The following TDP1 variants were observed in gnomAD, a reference collection of about 807,000 sequenced individuals.
The protein encoded by TDP1 is tyr-DNA phosphodiesterase 1.
A neutral mutation model predicts 81.5 loss-of-function variants in TDP1; 64 were observed. That is an observed-to-expected ratio of 0.79 (90% confidence interval 0.64 to 0.97). The LOEUF (loss-of-function observed/expected upper bound fraction) is 0.97. TDP1 is among the 50% of genes least tolerant of loss of function. The probability of loss-of-function intolerance (pLI) is 0.00; values close to 1 mark genes in which losing one functional copy is unlikely to be tolerated. For synonymous variants in TDP1, 256 were observed against 264.3 expected, an observed-to-expected ratio of 0.97 and a Z score of 0.30; for missense variants, 723 against 743.8, an observed-to-expected ratio of 0.97 and a Z score of 0.33.
chr14:89,955,671 A>G (rs1392087264), upstream of TDP1: 1 of 152,344 alleles, frequency 6.6e-6, no homozygotes, highest in Non-Finnish European at 1.5e-5. Flanking sequence ...AGAATCCTGT[A>G]AAGAGGGTGA....
chr14:89,981,099 C>G (rs1011114092), intron 8 of TDP1, among the ~76,000 whole-genome samples: 2 of 152,200 alleles, frequency 1.3e-5, no homozygotes, highest in African/African-American at 4.8e-5. Flanking sequence ...TTTTTGCTTA[C>G]CACTTCCCAA....
At chr14:89,978,263 A>G (rs1418667817) in intron 7 of TDP1, among the ~76,000 whole-genome samples, 1 of 152,186 alleles carries the variant, frequency 6.6e-6, no homozygotes, top group Non-Finnish European at 1.5e-5. Flanking sequence ...TGATCCCAAC[A>G]AGCTCTTCCG....
chr14:89,971,043 C>T lies in TDP1; in HGVS notation c.660-132C>T, dbSNP rs189641950. The T allele has an allele frequency of 2.1e-4, 149 of 720,954 alleles. 1 individual carries two copies. The highest frequency in any genetic ancestry group is 6.1e-4 in the Admixed American group (30 of 48,908). 44.7% of individuals were successfully genotyped at this position (720,954 alleles called of 1,614,324 possible). The stretch of plus-strand genomic sequence containing the variant: ...TAGAGACGGGGTTTCACCATGTTGG[C>T]CAGTCTGGTCTCGAACTCCTGACCT... On this transcript the variant is annotated intron_variant, in intron 5 of 16. Transcript: ENST00000335725.
chr14:90,014,168 A>G lies in TDP1; in HGVS notation c.1542-5148A>G, dbSNP rs59588828. On this transcript the variant is annotated intron_variant, in intron 14 of 16. Coordinates refer to ENST00000335725, the MANE Select transcript of TDP1 (RefSeq NM_018319.4). ...TCTAAGAAAAGAATACTTCTATACA[A>G]TGTTGCTAATAATCTAAATAGGATA... Among the ~76,000 whole-genome samples the G allele has an allele frequency of 1.4e-3, 210 of 152,350 alleles. 2 individuals carry two copies. The highest frequency in any genetic ancestry group is 4.8e-3 in the African/African-American group (199 of 41,572).
intron 14 of TDP1, among the ~76,000 whole-genome samples, chr14:90,003,095 G>A (rs1897321692): frequency 6.6e-6 from 1 of 152,008 alleles, no homozygotes; most frequent in African/African-American, 2.4e-5. Flanking sequence ...ATGCCACCAT[G>A]CCCAGCTAAT....
intron 12 of TDP1, 116 bp from the exon 13 acceptor site, chr14:89,991,801 A>G: frequency 1.6e-6 from 2 of 1,223,116 alleles, no homozygotes; most frequent in South Asian, 1.5e-5. Flanking sequence ...AAGATGAAGT[A>G]ATAGAAGTAG....
chr14:89,995,780 A>G (rs983028909), intron 14 of TDP1, among the ~76,000 whole-genome samples: 5 of 152,176 alleles, frequency 3.3e-5, no homozygotes, highest in Admixed American at 3.3e-4. Flanking sequence ...CCCTTGTGGC[A>G]CCTGTCTCTT....
At chr14:89,993,285 A>T in intron 13 of TDP1, 91 bp from the exon 14 acceptor site, 1 of 1,290,406 alleles carries the variant, frequency 7.7e-7, no homozygotes. Context: ...TTTTTAGATA[A>T]TAGGCTCTTT....
At chr14:89,995,091 A>G (rs1258345577) in intron 14 of TDP1, among the ~76,000 whole-genome samples, 1 of 152,234 alleles carries the variant, frequency 6.6e-6, no homozygotes, top group Non-Finnish European at 1.5e-5. Flanking sequence ...TTTGAAGTTT[A>G]TTGTAAGAAT....
intron 14 of TDP1, among the ~76,000 whole-genome samples, chr14:90,004,766 C>T (rs1390780818): frequency 6.6e-6 from 1 of 152,140 alleles, no homozygotes; most frequent in Non-Finnish European, 1.5e-5. Context: ...GGAGAGTCAG[C>T]AGGATGGTGA....
At chr14:90,040,875 A>G (rs1209211222) in intron 16 of TDP1, among the ~76,000 whole-genome samples, 4 of 152,352 alleles carry the variant, frequency 2.6e-5, no homozygotes, top group Non-Finnish European at 2.9e-5. Context: ...CTACTCATTT[A>G]AACAGCAGAG....
At chr14:89,996,241 G>T (rs78170269) in intron 14 of TDP1, among the ~76,000 whole-genome samples, 17 of 152,062 alleles carry the variant, frequency 1.1e-4, no homozygotes, top group Non-Finnish European at 1.9e-4. Flanking sequence ...AATTCCCCAC[G>T]TCCTGTAGGC....
At chr14:89,999,642 G>C (rs966357478) in intron 14 of TDP1, among the ~76,000 whole-genome samples, 7 of 152,130 alleles carry the variant, frequency 4.6e-5, no homozygotes, top group Non-Finnish European at 7.3e-5. Context: ...GAGAATTATA[G>C]GCAATATGAA....
At chr14:89,971,126 G>A (rs749673601) in intron 5 of TDP1, 49 bp from the exon 6 acceptor site, 3 of 1,531,732 alleles carry the variant, frequency 2.0e-6, no homozygotes, top group Non-Finnish European at 2.7e-6. Context: ...GTGAGCCACT[G>A]AGCCTGGCCA....
intron 15 of TDP1, among the ~76,000 whole-genome samples, chr14:90,020,024 G>T (rs544963965): frequency 4.7e-4 from 71 of 152,286 alleles, no homozygotes; most frequent in Non-Finnish European, 9.1e-4. Context: ...GAAAAGCACC[G>T]TGTCGAACTG....
chr14:89,983,142 A>C, intron 8 of TDP1: 1 of 456,024 alleles, frequency 2.2e-6, no homozygotes. Flanking sequence ...TCTCTGATCC[A>C]GGAGGAGCCT....
chr14:89,990,410 C>CAAAGTCTA (rs1306048167), intron 12 of TDP1, among the ~76,000 whole-genome samples: 3 of 152,088 alleles, frequency 2.0e-5, no homozygotes, highest in African/African-American at 7.2e-5. Flanking sequence ...CTGGAAAAAG[C>CAAAGTCTA]AAAGTCTAAT....
In TDP1 at chr14:89,975,805, A is replaced by G. The variant is rs754747645; in HGVS notation, c.781A>G (p.Thr261Ala). 6.2e-7 allele frequency: 1 copy of G among 1,613,220 alleles called. No homozygotes were observed. The highest frequency in any genetic ancestry group is 8.5e-7 in the Non-Finnish European group (1 of 1,179,180). ...GGCAAAGTTGGATATTGCGTTTGGA[A>G]CACACCACACGTAAGCACTTTTTGT... Reference protein sequence around the residue: ...CQAKLDIAFGTHHTKMMLLLY... With the variant: ...CQAKLDIAFGAHHTKMMLLLY... Residue 261 changes from threonine to alanine, a missense_variant, in exon 7 of 17, where the codon ACA (threonine) becomes GCA (alanine). Physicochemically the swap from Thr to Ala is moderately conservative, Grantham distance 58. Transcript: ENST00000335725.
upstream of TDP1, chr14:89,955,823 C>CT (rs1398423560): frequency 3.9e-5 from 6 of 152,450 alleles, no homozygotes; most frequent in Non-Finnish European, 8.8e-5. Flanking sequence ...ACCCGGCGGG[C>CT]TTTAGGACCC....
Sources: allele counts gnomAD v4.1 joint callset (sites outside exome capture counted in the v4.1 genomes callset), GRCh38; gene constraint gnomAD v4.1.1; transcripts MANE v1.5; gene names NCBI Gene and HGNC (gene_info 2026-07-23, HGNC 2026-07-21).